The following DCHS2 variants were observed in gnomAD, a reference collection of about 807,000 sequenced individuals.
The protein encoded by DCHS2 is protocadherin-23.
DCHS2 carries 142 observed loss-of-function variants against 182.4 expected under a neutral mutation model. That is an observed-to-expected ratio of 0.78 (90% CI 0.68 to 0.89). The LOEUF is 0.89. Ranked by LOEUF, DCHS2 falls within the 40% of genes least tolerant of loss-of-function variation. DCHS2 has a pLI of 0.00. For missense variants in DCHS2, 4,319 were observed against 4,198.6 expected (o/e 1.03, Z -0.79); for synonymous variants, 1,740 against 1,663.3 (o/e 1.05, Z -1.12).
rs1283083241 is a variant in DCHS2 at position 154,491,457 on chromosome 4, A to G, written c.-102T>C. On this transcript the variant is annotated 5_prime_UTR_variant, in exon 1 of 20. Coordinates refer to ENST00000357232, the MANE Select transcript of DCHS2 (RefSeq NM_001358235.2). ...CTTCAGTGTCTGAGCCAGAGAAGAA[A>G]AGACTTTGTTTGGCAAACAAACCGA... 27 of 1,415,320 alleles carry G rather than the reference A, an allele frequency of 1.9e-5. No homozygotes were observed. The highest frequency in any genetic ancestry group is 2.1e-5 in the Non-Finnish European group (23 of 1,088,742). 87.7% of individuals were successfully genotyped at this position (1,415,320 alleles called of 1,614,324 possible).
Position 154,377,433 on chromosome 4 carries a change from A to G in DCHS2, c.2064T>C (p.Ser688=), listed in dbSNP as rs757694579. The change falls in exon 2 of 20, where the codon TCT becomes TCC. Residue 688 remains serine, a synonymous_variant. Transcript: ENST00000357232. ...VGHCFLQVTA[S]DADSGLYGFI... is the part of the protein sequence containing the mutation. ...AGCCATAGAGTCCTGAATCTGCATCAGAGGCTGTCACCTGTGAGACAGGAG... is the reference window on the plus strand; with the variant it reads ...AGCCATAGAGTCCTGAATCTGCATCGGAGGCTGTCACCTGTGAGACAGGAG... The G allele has an allele frequency of 2.9e-5, 46 of 1,611,832 alleles. No homozygotes were observed. Among genetic ancestry groups the G allele is most frequent in the Middle Eastern group, 1.6e-4 (1 of 6,070 alleles).
rs373862777 is a variant in DCHS2 at position 154,333,242 on chromosome 4, G to T, written c.2966C>A (p.Ser989Tyr). Residue 989 changes from serine (S) to tyrosine (Y), a missense_variant, in exon 5 of 20, where the codon TCC becomes TAC. Ser to Tyr is a moderately radical substitution (Grantham distance 144, BLOSUM62 -2). Transcript: ENST00000357232. ...FLRTSDEIRI[S>Y]QTTPPGTALY... is the part of the protein sequence containing the mutation. ...GGCTGTGCCAGGGGGCGTGGTCTGG[G>T]ATATTCTAATCTCATCCGAGGTCCT... is the stretch of plus-strand genomic sequence containing the variant. 132 of 1,614,100 alleles carry T rather than the reference G, an allele frequency of 8.2e-5. No homozygotes were observed. Among genetic ancestry groups the T allele is most frequent in the Non-Finnish European group, 1.1e-4 (128 of 1,180,044 alleles).
Position 154,331,964 on chromosome 4 carries a change from CCT to C in DCHS2, c.3730+512_3730+513del, listed in dbSNP as rs199567268. ...TTATTCCCCCTTTTCCTCTGGTTCCCCTGTCAGAATGAGAAAAAGGATATATA... is the reference window on the plus strand; with the variant it reads ...TTATTCCCCCTTTTCCTCTGGTTCCCGTCAGAATGAGAAAAAGGATATATA... On this transcript the variant is annotated intron_variant, in intron 5 of 19. Coordinates refer to ENST00000357232, the MANE Select transcript of DCHS2 (RefSeq NM_001358235.2). 3.7e-3 allele frequency among the ~76,000 whole-genome samples: 569 copies of C among 152,162 alleles called. 6 individuals carry two copies. Among genetic ancestry groups the C allele is most frequent in the African/African-American group, 0.013 (534 of 41,502 alleles).
chr4:154,413,444 T>C (rs374223214), intron 1 of DCHS2, among the ~76,000 whole-genome samples: 3 of 152,202 alleles, frequency 2.0e-5, no homozygotes, highest in Non-Finnish European at 2.9e-5. Flanking sequence ...CTTTGAGACA[T>C]TGCATTTTAG....
chr4:154,477,216 T>C (rs764566075), intron 1 of DCHS2, among the ~76,000 whole-genome samples: 1 of 152,202 alleles, frequency 6.6e-6, no homozygotes, highest in African/African-American at 2.4e-5. Flanking sequence ...GACCTCTTGA[T>C]GTAGCCTCAC....
At chr4:154,324,815 T>C (rs1438755359) in intron 7 of DCHS2, among the ~76,000 whole-genome samples, 1 of 152,252 alleles carries the variant, frequency 6.6e-6, no homozygotes, top group Non-Finnish European at 1.5e-5. Flanking sequence ...TTGTGATTTC[T>C]ATGCTTTAAT....
At position 154,236,487 on chromosome 4, in the gene DCHS2, A is replaced by G. The variant is rs1731512465; in HGVS notation, c.8165T>C (p.Leu2722Pro). The G allele has an allele frequency of 6.2e-7, 1 of 1,613,950 alleles. No homozygotes were observed. Among genetic ancestry groups the G allele is most frequent in the Admixed American group, 1.7e-5 (1 of 59,996 alleles). The change falls in exon 20 of 20, where the codon CTT becomes CCT. Residue 2722 changes from leucine to proline, a missense_variant. Transcript: ENST00000357232. The part of the protein sequence containing the change: ...HFYLEENTGV[L>P]YLIKPLDYEK... ...ATAATCCAGAGGTTTAATCAAATAAAGAACTCCAGTGTTTTCTTCTAAGTA... is the reference window on the plus strand; with the variant it reads ...ATAATCCAGAGGTTTAATCAAATAAGGAACTCCAGTGTTTTCTTCTAAGTA...
At chr4:154,405,949 T>C (rs1474976533) in intron 1 of DCHS2, among the ~76,000 whole-genome samples, 1 of 152,258 alleles carries the variant, frequency 6.6e-6, no homozygotes, top group Non-Finnish European at 1.5e-5. Flanking sequence ...ATTTTGTCCT[T>C]AGGGGATAGC....
chr4:154,485,213 G>A (rs1728546047), intron 1 of DCHS2, among the ~76,000 whole-genome samples: 1 of 152,166 alleles, frequency 6.6e-6, no homozygotes, highest in African/African-American at 2.4e-5. Flanking sequence ...TGAGTGTGGG[G>A]TGGCACAAGA....
intron 1 of DCHS2, among the ~76,000 whole-genome samples, chr4:154,430,778 T>C (rs1249693984): frequency 6.6e-6 from 1 of 152,208 alleles, no homozygotes; most frequent in African/African-American, 2.4e-5. Context: ...TTCAATTTCA[T>C]CTTTTCACTC....
chr4:154,392,568 G>T (rs970311751), intron 1 of DCHS2, among the ~76,000 whole-genome samples: 2 of 152,130 alleles, frequency 1.3e-5, no homozygotes, highest in Admixed American at 6.6e-5. Context: ...ACCTGCAAAA[G>T]GGTCATAGTC....
intron 13 of DCHS2, among the ~76,000 whole-genome samples, chr4:154,285,124 T>C (rs1223821178): frequency 6.6e-6 from 1 of 152,004 alleles, no homozygotes; most frequent in East Asian, 1.9e-4. Flanking sequence ...AGACACACCC[T>C]GGGCCAGAAA....
intron 1 of DCHS2, among the ~76,000 whole-genome samples, chr4:154,405,332 G>A (rs1560738591): frequency 6.6e-6 from 1 of 151,708 alleles, no homozygotes. Context: ...AGGATGATTT[G>A]CTGAAGTGTA....
Position 154,375,916 on chromosome 4 carries a change from C to T in DCHS2, c.2244+1337G>A, listed in dbSNP as rs181214515. On this transcript the variant is annotated intron_variant, in intron 2 of 19. Transcript: ENST00000357232. ...GCCAATGAGAATGAGTGAACTATTG[C>T]TATACACAACAGCATAAATGATTCC... is the stretch of plus-strand genomic sequence containing the variant. Among the ~76,000 whole-genome samples the T allele has an allele frequency of 3.9e-5, 6 of 152,182 alleles. No homozygotes were observed. In the East Asian group the frequency reaches 1.2e-3, roughly 29 times the overall value.
At chr4:154,287,939 C>T (rs535974940) in intron 13 of DCHS2, among the ~76,000 whole-genome samples, 1 of 151,972 alleles carries the variant, frequency 6.6e-6, no homozygotes, top group East Asian at 1.9e-4. Context: ...AAAACAAAAA[C>T]GCTAGAAATT....
chr4:154,420,564 C>T (rs191730260), intron 1 of DCHS2, among the ~76,000 whole-genome samples: 1 of 152,264 alleles, frequency 6.6e-6, no homozygotes, highest in Admixed American at 6.5e-5. Context: ...ACTGGAAAAC[C>T]TGGAGTTCTG....
chr4:154,391,413 A>G (rs1415361425), intron 1 of DCHS2: 7 of 1,395,624 alleles, frequency 5.0e-6, no homozygotes, highest in African/African-American at 1.5e-5. Context: ...CACTTGCAGC[A>G]TAAAGAAAGC....
chr4:154,378,132 T>C (rs1730997325), intron 1 of DCHS2, among the ~76,000 whole-genome samples: 2 of 152,152 alleles, frequency 1.3e-5, no homozygotes, highest in African/African-American at 4.8e-5. Flanking sequence ...AACACTGACA[T>C]GCCCAGAGGA....
intron 1 of DCHS2, among the ~76,000 whole-genome samples, chr4:154,425,342 T>C (rs1424756010): frequency 6.6e-6 from 1 of 152,230 alleles, no homozygotes; most frequent in Non-Finnish European, 1.5e-5. Flanking sequence ...CTCTTCTCTA[T>C]ATTTAAAACT....
Sources: allele counts gnomAD v4.1 joint callset (sites outside exome capture counted in the v4.1 genomes callset), GRCh38; gene constraint gnomAD v4.1.1; transcripts MANE v1.5; gene names NCBI Gene and HGNC (gene_info 2026-07-23, HGNC 2026-07-21).